Variants in CSF1R observed in about 807,000 individuals in gnomAD.
CSF1R encodes colony stimulating factor 1 receptor.
In CSF1R, 40 loss-of-function variants were observed where a neutral mutation model predicts 110.0. The observed-to-expected ratio is 0.36, with a 90% CI of 0.28 to 0.47. The LOEUF is 0.47. Among genes scored for constraint, CSF1R ranks in the 20% least tolerant of loss-of-function variants. CSF1R has a pLI of 0.99. For missense variants in CSF1R, 1,052 were observed against 1,253.0 expected (o/e 0.84, Z 2.42); for synonymous variants, 523 against 503.4 (o/e 1.04, Z -0.52).
At chr5:150,081,133 A>C in intron 1 of CSF1R, 109 bp from the exon 2 acceptor site, 1 of 1,302,976 alleles carries the variant, frequency 7.7e-7, no homozygotes, top group Non-Finnish European at 1.1e-6. Context: ...CTGTGCCATC[A>C]AGGGACCACC....
At chr5:150,070,778 T>A (rs1172680188) in intron 6 of CSF1R, among the ~76,000 whole-genome samples, 1 of 152,228 alleles carries the variant, frequency 6.6e-6, no homozygotes, top group Non-Finnish European at 1.5e-5. Flanking sequence ...TTGGTTTTCT[T>A]ATCTGAAAGT....
At chr5:150,101,522 A>G (rs1402312915) in intron 1 of CSF1R, among the ~76,000 whole-genome samples, 1 of 152,168 alleles carries the variant, frequency 6.6e-6, no homozygotes, top group African/African-American at 2.4e-5. Flanking sequence ...AGGGAAGAGA[A>G]AGAAGGGCAT....
At position 150,105,516 on chromosome 5, in the gene CSF1R, T is replaced by G. The variant is rs1279661354; in HGVS notation, c.-181+7745A>C. 2.6e-5 allele frequency among the ~76,000 whole-genome samples: 4 copies of G among 151,488 alleles called. No homozygotes were observed. The East Asian group carries it at 7.8e-4, about 30-fold the overall frequency. On this transcript the variant is annotated intron_variant, in intron 1 of 21. Coordinates refer to the CSF1R transcript ENST00000286301. ...CAGGCGTGAGCCACTACACCTGGCC[T>G]CTTTTTTTTCTTTTTCCCTTTTTTT...
intron 2 of CSF1R, 21 bp downstream of exon 2, chr5:150,080,746 G>T (rs1758500095): frequency 6.2e-7 from 1 of 1,613,586 alleles, no homozygotes; most frequent in Non-Finnish European, 8.5e-7. Flanking sequence ...GGCCTCTTGG[G>T]AGGAGGCTCA....
At position 150,053,987 on chromosome 5, in the gene CSF1R, G is replaced by A. The variant is rs191000580; in HGVS notation, c.*82C>T. ...AGTGAAATGACCGAAGGCAGAGTTT[G>A]TATGTTCTCCCCGTGTCGCCCCATC... On this transcript the variant is annotated 3_prime_UTR_variant, in exon 21 of 21. Transcript: ENST00000675795. 1.4e-6 allele frequency: 2 copies of A among 1,389,048 alleles called. No individual in the cohort carries two copies. The highest frequency in any genetic ancestry group is 4.9e-5 in the East Asian group (2 of 41,056). The allele number at this position is 1,389,048 out of a possible 1,614,324, so 86.0% of individuals were successfully genotyped here.
At chr5:150,089,666 C>A (rs1272230954), upstream of CSF1R, among the ~76,000 whole-genome samples, 5 of 152,196 alleles carry the variant, frequency 3.3e-5, no homozygotes, top group African/African-American at 1.2e-4. Context: ...AAAATCCCAA[C>A]AGCCTTTTTC....
intron 10 of CSF1R, among the ~76,000 whole-genome samples, chr5:150,064,989 G>A (rs1484481840): frequency 6.6e-6 from 1 of 152,178 alleles, no homozygotes; most frequent in African/African-American, 2.4e-5. Context: ...GATGGGCGAG[G>A]CTCCCTGAGA....
chr5:150,070,187 A>T lies in CSF1R; in HGVS notation c.1314T>A (p.Thr438=). ...NVTWLQCSGH[T]DRCDEAQVLQ... is the part of the protein sequence containing the mutation. ...GGTGAGTGGAGCCCACTTACCTATC[A>T]GTGTGGCCACTGCACTGCAGCCATG... The change falls in exon 8 of 21, where the codon ACT becomes ACA. Residue 438 remains threonine (T), a synonymous_variant. Transcript: ENST00000675795. 5.6e-6 allele frequency: 9 copies of T among 1,613,826 alleles called. No individual in the cohort carries two copies. The highest frequency in any genetic ancestry group is 7.6e-6 in the Non-Finnish European group (9 of 1,179,880).
At chr5:150,080,528 A>G (rs1581323070) in intron 2 of CSF1R, among the ~76,000 whole-genome samples, 192 bp from the exon 3 acceptor site, 1 of 152,204 alleles carries the variant, frequency 6.6e-6, no homozygotes, top group East Asian at 1.9e-4. Flanking sequence ...GTCTAGTCCC[A>G]CTATGTGAGG....
intron 1 of CSF1R, among the ~76,000 whole-genome samples, chr5:150,084,342 A>AG (rs1758702205): frequency 1.8e-5 from 2 of 113,312 alleles, no homozygotes; most frequent in East Asian, 2.9e-4. Context: ...AAAAGATAGA[A>AG]AAAAGAAAGA....
chr5:150,060,844 G>A lies in CSF1R; in HGVS notation c.1969+18C>T. The A allele has an allele frequency of 6.4e-7, 1 of 1,563,798 alleles. No individual in the cohort carries two copies. Among genetic ancestry groups the A allele is most frequent in the Non-Finnish European group, 8.7e-7 (1 of 1,143,610 alleles). Reference sequence around the variant, plus strand: ...AGAGGCCCCAAGACCTTGGCCCCAGGAACCCCAAGGCCCTTACCTCCATGG... The same window carrying A: ...AGAGGCCCCAAGACCTTGGCCCCAGAAACCCCAAGGCCCTTACCTCCATGG... On this transcript the variant is annotated intron_variant, in intron 13 of 20. Transcript: ENST00000675795.
At chr5:150,109,265 T>C (rs758906584) in intron 1 of CSF1R, among the ~76,000 whole-genome samples, 2 of 152,064 alleles carry the variant, frequency 1.3e-5, no homozygotes, top group Non-Finnish European at 2.9e-5. Flanking sequence ...AGCCTCAACC[T>C]CCTCATCTGG....
At position 150,056,008 on chromosome 5, in the gene CSF1R, G is replaced by A; in HGVS notation, c.2554+18C>T. 3 of 1,610,694 alleles carry A rather than the reference G, an allele frequency of 1.9e-6. No individual in the cohort carries two copies. In the East Asian group the frequency reaches 6.7e-5, roughly 36 times the overall value. ...GAGCCAGCCCCAGGCTCTGCCTGGA[G>A]TGGGCCCAGTGGCTCACCAAGTGAG... On this transcript the variant is annotated intron_variant, in intron 18 of 20. Coordinates refer to ENST00000675795, the MANE Select transcript of CSF1R (RefSeq NM_001288705.3).
Position 150,077,319 on chromosome 5 carries a change from G to T in CSF1R, c.846C>A (p.Asn282Lys). 1 of 1,614,224 alleles carries T rather than the reference G, an allele frequency of 6.2e-7. No individual in the cohort carries two copies. The highest frequency in any genetic ancestry group is 8.5e-7 in the Non-Finnish European group (1 of 1,180,040). ...TGGAGGTGGAGTGCTTGCCCTGCACGTTGCTGGCCACGCAGGAGTAGTTGC... is the reference window on the plus strand; with the variant it reads ...TGGAGGTGGAGTGCTTGCCCTGCACTTTGCTGGCCACGCAGGAGTAGTTGC... ...HAGNYSCVAS[N>K]VQGKHSTSMF... The change falls in exon 5 of 21, where the codon AAC (asparagine) becomes AAA (lysine). Residue 282 changes from asparagine to lysine, a missense_variant. Transcript: ENST00000675795.
In CSF1R at chr5:150,093,120, C is replaced by A. The variant is rs572738969; in HGVS notation, c.-180-6513G>T. ...TTGAGATGGAGTCTCACTCTGTCACCCAGGCTGGAGGGCAGTGGCGTGATC... is the reference window on the plus strand; with the variant it reads ...TTGAGATGGAGTCTCACTCTGTCACACAGGCTGGAGGGCAGTGGCGTGATC... On this transcript the variant is annotated intron_variant, in intron 1 of 21. Transcript: ENST00000286301. Among the ~76,000 whole-genome samples the A allele has an allele frequency of 2.0e-5, 3 of 152,144 alleles. No homozygotes were observed. The East Asian group carries it at 5.8e-4, about 29-fold the overall frequency.
intron 3 of CSF1R, 34 bp from the exon 4 acceptor site, chr5:150,078,282 G>A (rs1057250990): frequency 6.2e-7 from 1 of 1,612,248 alleles, no homozygotes; most frequent in African/African-American, 1.3e-5. Context: ...GAACACCCAG[G>A]CTCCCTGAAC....
At chr5:150,068,113 G>A in intron 10 of CSF1R, 102 bp downstream of exon 10, 3 of 866,930 alleles carry the variant, frequency 3.5e-6, no homozygotes, top group Non-Finnish European at 5.5e-6. Context: ...GTTAGCTGAT[G>A]GACTGACTGA....
chr5:150,073,975 A>C (rs1758143938), intron 5 of CSF1R, among the ~76,000 whole-genome samples: 1 of 152,178 alleles, frequency 6.6e-6, no homozygotes, highest in Non-Finnish European at 1.5e-5. Context: ...TGGCCCGGTG[A>C]TTGGTTTGGG....
chr5:150,061,145 CAGAG>C (rs988578526), intron 12 of CSF1R, among the ~76,000 whole-genome samples, 173 bp from the exon 13 acceptor site: 19 of 151,660 alleles, frequency 1.3e-4, no homozygotes, highest in Admixed American at 2.6e-4. Flanking sequence ...ACACAGATGG[CAGAG>C]AGAGAGAGAG....
Sources: gnomAD v4.1 joint callset for allele counts (sites outside exome capture counted in the v4.1 genomes callset) on GRCh38, gnomAD v4.1.1 for gene constraint, MANE v1.5 for transcripts, NCBI Gene and HGNC (gene_info 2026-07-23, HGNC 2026-07-21) for gene names.